The following ARB2A variants were observed in gnomAD, a reference collection of about 807,000 sequenced individuals.
ARB2A encodes the protein ARB2 cotranscriptional regulator A.
chr5:93,781,306 C>T, the ARB2A span, among the ~76,000 whole-genome samples: 46 of 152,222 alleles, frequency 3.0e-4, no homozygotes, highest in African/African-American at 1.1e-3. Flanking sequence ...AAGATAATGG[C>T]CTCCAGTTCC....
At chr5:94,013,521 TGTTA>T in the ARB2A span, among the ~76,000 whole-genome samples, 36 of 152,220 alleles carry the variant, frequency 2.4e-4, no homozygotes, top group African/African-American at 8.7e-4. Flanking sequence ...CAAGAATTTC[TGTTA>T]GTTACTGGTT....
At chr5:93,621,135 A>T in the ARB2A span, 5 of 1,608,180 alleles carry the variant, frequency 3.1e-6, no homozygotes, top group Non-Finnish European at 4.2e-6. Flanking sequence ...GGTGCCTGCA[A>T]AGAACAACAC....
the ARB2A span, among the ~76,000 whole-genome samples, chr5:93,730,746 A>G: frequency 1.3e-5 from 2 of 152,166 alleles, no homozygotes; most frequent in African/African-American, 4.8e-5. Context: ...ATAAGTTCAC[A>G]TATCAACTTT....
the ARB2A span, chr5:93,683,466 G>T: frequency 6.3e-7 from 1 of 1,595,508 alleles, no homozygotes; most frequent in Non-Finnish European, 8.5e-7. Context: ...GAAACTGTTG[G>T]CTGTACAGAC....
the ARB2A span, among the ~76,000 whole-genome samples, chr5:93,677,109 T>C: frequency 6.6e-6 from 1 of 152,182 alleles, no homozygotes; most frequent in Non-Finnish European, 1.5e-5. Flanking sequence ...TTAACAACAA[T>C]GAAAAGTAAA....
At chr5:93,872,229 C>T in the ARB2A span, among the ~76,000 whole-genome samples, 41 of 151,918 alleles carry the variant, frequency 2.7e-4, no homozygotes, top group South Asian at 5.8e-3. Flanking sequence ...ATTACAGGCA[C>T]GAGCCACTGT....
the ARB2A span, among the ~76,000 whole-genome samples, chr5:93,675,451 AAACT>A: frequency 4.3e-4 from 65 of 152,322 alleles, no homozygotes; most frequent in Non-Finnish European, 3.1e-4. Flanking sequence ...TTGTTGCTTT[AAACT>A]AACACTAAAC....
the ARB2A span, chr5:93,863,630 G>A: frequency 2.6e-5 from 4 of 151,922 alleles, no homozygotes; most frequent in African/African-American, 9.7e-5. Context: ...ACAGTGGAGA[G>A]AAGATTCACA....
chr5:94,104,465 T>C, the ARB2A span, among the ~76,000 whole-genome samples: 7 of 151,656 alleles, frequency 4.6e-5, no homozygotes, highest in Admixed American at 2.0e-4. Context: ...CAGAAGGAAA[T>C]TGAAACCCTG....
the ARB2A span, among the ~76,000 whole-genome samples, chr5:93,856,600 A>C: frequency 5.1e-3 from 770 of 152,182 alleles, 9 homozygotes; most frequent in African/African-American, 0.017. Flanking sequence ...TGCATTCTTC[A>C]TGTAGTTCTC....
chr5:93,804,387 C>A, the ARB2A span, among the ~76,000 whole-genome samples: 1 of 151,942 alleles, frequency 6.6e-6, no homozygotes, highest in Non-Finnish European at 1.5e-5. Context: ...TTTCCATATA[C>A]TTAAGCAAGC....
At chr5:93,762,900 C>A in the ARB2A span, among the ~76,000 whole-genome samples, 1 of 152,172 alleles carries the variant, frequency 6.6e-6, no homozygotes, top group African/African-American at 2.4e-5. Flanking sequence ...CAATATTCAA[C>A]ATTCTTAAAG....
At chr5:94,079,418 G>A in the ARB2A span, among the ~76,000 whole-genome samples, 1 of 152,138 alleles carries the variant, frequency 6.6e-6, no homozygotes, top group Admixed American at 6.5e-5. Context: ...ATGGAGATAA[G>A]GCATTGTGGG....
chr5:93,761,497 C>T, the ARB2A span, among the ~76,000 whole-genome samples: 4 of 152,156 alleles, frequency 2.6e-5, no homozygotes, highest in South Asian at 2.1e-4. Context: ...AAGGCAGAAG[C>T]GAGGCTGGGG....
chr5:93,997,774 T>C, the ARB2A span, among the ~76,000 whole-genome samples: 2 of 152,038 alleles, frequency 1.3e-5, no homozygotes, highest in African/African-American at 4.8e-5. Context: ...TGTAAACATC[T>C]TAAAATCAAC....
the ARB2A span, among the ~76,000 whole-genome samples, chr5:94,048,974 A>G: frequency 6.6e-6 from 1 of 152,292 alleles, no homozygotes; most frequent in South Asian, 2.1e-4. Flanking sequence ...ATGCTATTAT[A>G]CTTATGTTAC....
the ARB2A span, among the ~76,000 whole-genome samples, chr5:93,859,378 A>G: frequency 1.3e-5 from 2 of 152,130 alleles, no homozygotes; most frequent in African/African-American, 4.8e-5. Flanking sequence ...CTCTAGACAG[A>G]ATATAAACCT....
chr5:93,799,008 G>A, the ARB2A span, among the ~76,000 whole-genome samples: 1 of 152,074 alleles, frequency 6.6e-6, no homozygotes. Context: ...AGTCAAACTG[G>A]TTTCTTCATG....
chr5:93,757,665 C>G, the ARB2A span, among the ~76,000 whole-genome samples: 1 of 152,088 alleles, frequency 6.6e-6, no homozygotes, highest in Non-Finnish European at 1.5e-5. Context: ...CTTTTTCAGA[C>G]AAATGCTGAC....
Sources: allele counts gnomAD v4.1 joint callset (sites outside exome capture counted in the v4.1 genomes callset), GRCh38; gene constraint gnomAD v4.1.1; transcripts MANE v1.5; gene names NCBI Gene and HGNC (gene_info 2026-07-23, HGNC 2026-07-21).